FAM170A: variants seen among roughly 807,000 people sequenced by gnomAD.
FAM170A encodes the protein protein FAM170A.
A neutral mutation model predicts 36.6 loss-of-function variants in FAM170A; 28 were observed. That is an observed-to-expected ratio of 0.76 (90% CI 0.57 to 1.05). The LOEUF (loss-of-function observed/expected upper bound fraction) is 1.05. FAM170A is among the 50% of genes least tolerant of loss of function. The pLI is 0.00. For missense variants in FAM170A, 434 were observed against 396.5 expected, an observed-to-expected ratio of 1.09 and a Z score of -0.80; for synonymous variants, 156 against 143.9, an observed-to-expected ratio of 1.08 and a Z score of -0.60.
At chr5:119,632,977 A>C (rs1042371034) in intron 2 of FAM170A, 89 bp downstream of exon 2, 2 of 1,406,436 alleles carry the variant, frequency 1.4e-6, no homozygotes, top group Non-Finnish European at 9.6e-7. Context: ...CTCTGTGGGC[A>C]TGAGACTCTT....
chr5:119,630,654 T>C (rs957017160), intron 1 of FAM170A, among the ~76,000 whole-genome samples: 16 of 152,174 alleles, frequency 1.1e-4, no homozygotes, highest in African/African-American at 2.2e-4. Context: ...CTGAGAACTT[T>C]TGCTCTGGGG....
chr5:119,634,531 T>C, exon 3 of FAM170A: 1 of 1,613,496 alleles, frequency 6.2e-7, no homozygotes, highest in Non-Finnish European at 8.5e-7. Context: ...ACGTCTTTCA[T>C]CTCACCATGG....
intron 1 of FAM170A, among the ~76,000 whole-genome samples, chr5:119,630,332 T>G (rs868003425): frequency 0.023 from 3,284 of 142,792 alleles, 82 homozygotes; most frequent in East Asian, 0.1. Flanking sequence ...TTTTTTTTTT[T>G]TTTTTTTTTT....
chr5:119,632,278 G>A (rs766641288), intron 1 of FAM170A, among the ~76,000 whole-genome samples: 4 of 152,128 alleles, frequency 2.6e-5, no homozygotes, highest in Non-Finnish European at 5.9e-5. Context: ...CTAGAAGAGT[G>A]GACTGGTGTC....
rs566056811 is a variant in FAM170A at position 119,635,101 on chromosome 5, T to A, written c.*52+15T>A. ...TCTTGCAAGAGGTAAGGAGTGAGAC[T>A]TGCAGTTTTCTGAGGCTGTGTTGTG... On this transcript the variant is annotated intron_variant, in intron 4 of 4. Transcript: ENST00000613773. 1.3e-6 allele frequency: 2 copies of A among 1,581,444 alleles called. No homozygotes were observed. The highest frequency in any genetic ancestry group is 1.7e-6 in the Non-Finnish European group (2 of 1,150,724).
At chr5:119,631,015 A>C (rs1461676606) in intron 1 of FAM170A, among the ~76,000 whole-genome samples, 1 of 152,226 alleles carries the variant, frequency 6.6e-6, no homozygotes, top group African/African-American at 2.4e-5. Flanking sequence ...AATCCAATAG[A>C]GTTTGTGAAT....
exon 3 of FAM170A, chr5:119,634,619 G>A: frequency 1.2e-6 from 2 of 1,612,438 alleles, no homozygotes; most frequent in Non-Finnish European, 1.7e-6. Flanking sequence ...GAAGGAGGAG[G>A]AAGAGAAACC....
Position 119,629,855 on chromosome 5 carries a change from C to G in FAM170A, c.70+17C>G. 6.2e-7 allele frequency: 1 copy of G among 1,600,116 alleles called. No homozygotes were observed. The highest frequency in any genetic ancestry group is 8.6e-7 in the Non-Finnish European group (1 of 1,168,020). ...AGGGAGGAGGTATGTGCGGGGCAAA[C>G]TTTCTGGGGCACAAGCGTCACTGGC... On this transcript the variant is annotated intron_variant, in intron 1 of 4. Transcript: ENST00000613773.
chr5:119,632,787 C>T (rs1011072599), exon 2 of FAM170A: 5 of 1,612,014 alleles, frequency 3.1e-6, no homozygotes, highest in Middle Eastern at 1.6e-4. Context: ...CAGCCTGGAT[C>T]CACTAGAGTG....
rs956864942 is a variant in FAM170A, at chr5:119,635,025, C to A, written c.987-6C>A. On this transcript the variant is annotated splice_region_variant and splice_polypyrimidine_tract_variant and intron_variant, in intron 3 of 4. Coordinates refer to ENST00000613773, the Ensembl canonical transcript of FAM170A. Reference sequence around the variant, plus strand: ...GTCTTTCTTTGGTTTGATTTTCACACAGCAGCTGAGACTTATGGGCCAGAA... The same window carrying A: ...GTCTTTCTTTGGTTTGATTTTCACAAAGCAGCTGAGACTTATGGGCCAGAA... 3 of 1,614,024 alleles carry A rather than the reference C, an allele frequency of 1.9e-6. No homozygotes were observed. The African/African-American group carries it at 4.0e-5, about 22-fold the overall frequency.
intron 3 of FAM170A, 140 bp from the exon 4 acceptor site, chr5:119,634,888 C>T: frequency 1.6e-6 from 2 of 1,268,068 alleles, no homozygotes; most frequent in Admixed American, 2.0e-5. Flanking sequence ...GGGATCCCTG[C>T]TTCTTGCCTA....
intron 2 of FAM170A, 73 bp downstream of exon 2, chr5:119,632,961 G>A (rs1756288030): frequency 6.9e-7 from 1 of 1,445,044 alleles, no homozygotes; most frequent in South Asian, 1.4e-5. Context: ...ATATTTGAGT[G>A]TGGGGCTCTG....
exon 4 of FAM170A, chr5:119,635,036 A>C (rs766809660): frequency 6.2e-7 from 1 of 1,614,122 alleles, no homozygotes; most frequent in Admixed American, 1.7e-5. Context: ...AGCAGCTGAG[A>C]CTTATGGGCC....
In FAM170A at chr5:119,632,154, CA is replaced by C. The variant is rs1380725608; in HGVS notation, c.71-593del. Among the ~76,000 whole-genome samples, 3 of 152,298 alleles carry C rather than the reference CA, an allele frequency of 2.0e-5. No individual in the cohort carries two copies. The East Asian group carries it at 5.8e-4, about 29-fold the overall frequency. ...CTAAATCTGATGACCCTTATAAATT[CA>C]TAATGAGCTGACCTATGATATACTT... is the stretch of plus-strand genomic sequence containing the variant. On this transcript the variant is annotated intron_variant, in intron 1 of 4. Transcript: ENST00000613773.
At chr5:119,634,782 C>T in intron 3 of FAM170A, 48 bp downstream of exon 3, 1 of 1,495,548 alleles carries the variant, frequency 6.7e-7, no homozygotes, top group South Asian at 1.3e-5. Flanking sequence ...AATGGCTTCC[C>T]CGAGCCAGTA....
In FAM170A at chr5:119,629,817, G is replaced by A. The variant is rs201634171; in HGVS notation, c.49G>A (p.Glu17Lys). Reference sequence around the variant, plus strand: ...ACATTTGGAAAATGAAGAGTCCCAGGAAACCGCTGAGAAGGGAGGAGGTAT... The same window carrying A: ...ACATTTGGAAAATGAAGAGTCCCAGAAAACCGCTGAGAAGGGAGGAGGTAT... The change falls in exon 1 of 5, where the codon GAA becomes AAA. Residue 17 changes from glutamate (E) to lysine (K), a missense_variant. Physicochemically the swap from Glu to Lys is moderately conservative, Grantham distance 56 (BLOSUM62 1). Coordinates refer to ENST00000613773, the Ensembl canonical transcript of FAM170A. The A allele has an allele frequency of 1.2e-5, 19 of 1,613,732 alleles. No homozygotes were observed. The African/African-American group carries it at 1.7e-4, about 15-fold the overall frequency.
exon 3 of FAM170A, chr5:119,634,299 A>G (rs1312299322): frequency 6.2e-7 from 1 of 1,614,210 alleles, no homozygotes; most frequent in Non-Finnish European, 8.5e-7. Flanking sequence ...CTCCTGTCTG[A>G]CAGTGAGCCC....
At chr5:119,631,473 G>T (rs982545912) in intron 1 of FAM170A, among the ~76,000 whole-genome samples, 2 of 152,106 alleles carry the variant, frequency 1.3e-5, no homozygotes, top group Non-Finnish European at 2.9e-5. Flanking sequence ...GGTGGGGTCT[G>T]CGGGGTGAAC....
chr5:119,631,012 T>C (rs1325601094), intron 1 of FAM170A, among the ~76,000 whole-genome samples: 2 of 152,160 alleles, frequency 1.3e-5, no homozygotes, highest in Non-Finnish European at 2.9e-5. Context: ...ATTAATCCAA[T>C]AGAGTTTGTG....
Sources: gnomAD v4.1 joint callset for allele counts (sites outside exome capture counted in the v4.1 genomes callset) on GRCh38, gnomAD v4.1.1 for gene constraint, MANE v1.5 for transcripts, NCBI Gene and HGNC (gene_info 2026-07-23, HGNC 2026-07-21) for gene names.